The following THNSL2 variants were observed in gnomAD, a reference collection of about 807,000 sequenced individuals.
THNSL2 encodes the protein threonine synthase like 2.
In THNSL2, 34 loss-of-function variants were observed where a neutral mutation model predicts 40.0. The ratio of observed to expected loss-of-function variants is 0.85; its 90% confidence interval spans 0.65 to 1.13. The LOEUF (loss-of-function observed/expected upper bound fraction) is 1.13, where lower values mean the gene tolerates loss of function less well. Ranked by LOEUF, THNSL2 falls within the 50% of genes most tolerant of loss-of-function variation. The probability of loss-of-function intolerance (pLI) is 0.00; values close to 1 mark genes in which losing one functional copy is unlikely to be tolerated. For synonymous variants in THNSL2, 241 were observed against 247.5 expected (o/e 0.97, Z 0.25); for missense variants, 537 against 608.8 (o/e 0.88, Z 1.24).
At chr2:88,185,679 A>T in intron 8 of THNSL2, 200 bp downstream of exon 8, 1 of 1,551,558 alleles carries the variant, frequency 6.4e-7, no homozygotes, top group Non-Finnish European at 8.7e-7. Flanking sequence ...CCATGGTCAG[A>T]GGTGGTGGCT....
intron 1 of THNSL2, chr2:88,171,315 C>A (rs774327942): frequency 4.4e-6 from 2 of 456,690 alleles, no homozygotes; most frequent in South Asian, 3.1e-5. Context: ...TGGGTATGTG[C>A]TCATCAGGCC....
rs765184430 is a variant in THNSL2, at chr2:88,175,322, G to T, written c.492G>T (p.Leu164=). The part of the protein sequence containing the change: ...QGAKNMDIIV[L]LPKGHCTKIQ... The stretch of plus-strand genomic sequence containing the variant: ...CAAAGAACATGGACATTATCGTTCT[G>T]CTGCCCAAAGGTCACTGCACAAAGA... The change falls in exon 4 of 9, where the codon CTG becomes CTT. Residue 164 remains leucine (L), a synonymous_variant. Coordinates refer to ENST00000674334, the MANE Select transcript of THNSL2 (RefSeq NM_018271.5). The T allele has an allele frequency of 6.2e-7, 1 of 1,614,210 alleles. No homozygotes were observed. The highest frequency in any genetic ancestry group is 1.7e-5 in the Admixed American group (1 of 60,030).
chr2:88,175,143 T>A (rs1460399048), intron 3 of THNSL2, 106 bp from the exon 4 acceptor site: 1 of 1,250,080 alleles, frequency 8.0e-7, no homozygotes, highest in Non-Finnish European at 1.1e-6. Context: ...TCCAAGTATT[T>A]GAAGTAGATG....
rs776062820 is a variant in THNSL2, at chr2:88,185,859, T to C, written c.1230-39T>C. The stretch of plus-strand genomic sequence containing the variant: ...TCTCCTTTCCCATCTCTCTATTCTC[T>C]CATTGTCCTCCGGGTGCCACCTGCC... On this transcript the variant is annotated intron_variant, in intron 8 of 8. Coordinates refer to ENST00000674334, the MANE Select transcript of THNSL2 (RefSeq NM_018271.5). 3.2e-6 allele frequency: 5 copies of C among 1,558,538 alleles called. No individual in the cohort carries two copies. The African/African-American group carries it at 5.4e-5, about 17-fold the overall frequency.
chr2:88,183,538 G>A (rs1185411946), intron 7 of THNSL2: 2 of 152,066 alleles, frequency 1.3e-5, no homozygotes, highest in African/African-American at 4.8e-5. Context: ...TATGAACCGA[G>A]ACCATTGTTT....
intron 7 of THNSL2, chr2:88,183,927 A>G (rs1020304120): frequency 1.3e-5 from 2 of 152,184 alleles, no homozygotes; most frequent in African/African-American, 4.8e-5. Context: ...AAGTCTTTAC[A>G]TTGAGCTAGA....
intron 6 of THNSL2, 41 bp from the exon 7 acceptor site, chr2:88,182,907 G>A: frequency 1.2e-6 from 2 of 1,612,796 alleles, no homozygotes; most frequent in Non-Finnish European, 1.7e-6. Context: ...GGCTCGATGG[G>A]GCTGAGATCA....
chr2:88,174,951 G>A (rs1676754983), intron 3 of THNSL2, 118 bp downstream of exon 3: 1 of 1,244,394 alleles, frequency 8.0e-7, no homozygotes, highest in Non-Finnish European at 1.1e-6. Flanking sequence ...TCCAGAGCAA[G>A]GTTCCTAACA....
intron 7 of THNSL2, 95 bp from the exon 8 acceptor site, chr2:88,185,233 G>C: frequency 6.7e-7 from 1 of 1,501,434 alleles, no homozygotes; most frequent in Non-Finnish European, 8.9e-7. Flanking sequence ...CTGGATCCCT[G>C]GGGTTTGTGT....
intron 7 of THNSL2, 104 bp from the exon 8 acceptor site, chr2:88,185,224 T>C: frequency 6.8e-7 from 1 of 1,473,984 alleles, no homozygotes; most frequent in Non-Finnish European, 9.1e-7. Context: ...AATGTCCCAC[T>C]GGATCCCTGG....
At chr2:88,177,570 CA>C (rs1156702438) in intron 4 of THNSL2, among the ~76,000 whole-genome samples, 2 of 152,138 alleles carry the variant, frequency 1.3e-5, no homozygotes, top group Non-Finnish European at 2.9e-5. Flanking sequence ...ACTGGAAGGC[CA>C]GGGGTGGAGT....
intron 7 of THNSL2, among the ~76,000 whole-genome samples, chr2:88,184,355 A>G (rs1669744228): frequency 6.6e-6 from 1 of 152,200 alleles, no homozygotes. Context: ...TCATGCATTC[A>G]TGTTATATAT....
At chr2:88,171,189 G>T in intron 1 of THNSL2, 1 of 429,996 alleles carries the variant, frequency 2.3e-6, no homozygotes, top group Non-Finnish European at 4.7e-6. Flanking sequence ...TTCCGCCTCT[G>T]GCTTACATTG....
chr2:88,177,324 A>G lies in THNSL2; in HGVS notation c.572-1459A>G, dbSNP rs976338504. ...GTTCAGGATATAACAGCAAATATGT[A>G]TTTTTCTGTAGACTGGTAAGCTTAG... On this transcript the variant is annotated intron_variant, in intron 4 of 8. Coordinates refer to ENST00000674334, the MANE Select transcript of THNSL2 (RefSeq NM_018271.5). Among the ~76,000 whole-genome samples, 10 of 152,120 alleles carry G rather than the reference A, an allele frequency of 6.6e-5. 1 individual carries two copies. In the South Asian group the frequency reaches 1.0e-3, roughly 16 times the overall value.
At chr2:88,174,926 T>A in intron 3 of THNSL2, 93 bp downstream of exon 3, 4 of 1,413,868 alleles carry the variant, frequency 2.8e-6, no homozygotes, top group Non-Finnish European at 3.9e-6. Flanking sequence ...ACTCAGGAAC[T>A]GTGGTACTGG....
At position 88,175,423 on chromosome 2, in the gene THNSL2, C is replaced by T. The variant is rs540531601; in HGVS notation, c.571+22C>T. 5.0e-6 allele frequency: 8 copies of T among 1,613,500 alleles called. No individual in the cohort carries two copies. The South Asian group carries it at 7.7e-5, about 16-fold the overall frequency. ...GGAGGTGTGTGCTGAGGCAGAGGCT[C>T]TAGGGACAGTGCAGCCCTGCCTTAA... On this transcript the variant is annotated intron_variant, in intron 4 of 8. Coordinates refer to ENST00000674334, the MANE Select transcript of THNSL2 (RefSeq NM_018271.5).
intron 2 of THNSL2, 113 bp from the exon 3 acceptor site, chr2:88,174,523 TGAA>T: frequency 9.7e-7 from 1 of 1,034,702 alleles, no homozygotes; most frequent in Non-Finnish European, 1.4e-6. Flanking sequence ...TCATTTAAGA[TGAA>T]GATTTTTGGC....
chr2:88,171,243 T>G, intron 1 of THNSL2: 1 of 456,130 alleles, frequency 2.2e-6, no homozygotes, highest in Non-Finnish European at 4.4e-6. Flanking sequence ...TGAATTGGCC[T>G]GGGAATGCTG....
At chr2:88,171,969 G>A (rs1676423552) in intron 1 of THNSL2, 1 of 152,306 alleles carries the variant, frequency 6.6e-6, no homozygotes, top group Non-Finnish European at 1.5e-5. Flanking sequence ...GCCCACAGAT[G>A]TCAGAGCCAC....
Sources: allele counts gnomAD v4.1 joint callset (sites outside exome capture counted in the v4.1 genomes callset), GRCh38; gene constraint gnomAD v4.1.1; transcripts MANE v1.5; gene names NCBI Gene and HGNC (gene_info 2026-07-23, HGNC 2026-07-21).